Variants in NR0B2 observed in about 807,000 individuals in gnomAD.
NR0B2 encodes the protein nuclear receptor subfamily 0 group B member 2, also known as nuclear receptor SHP.
In NR0B2, 17 loss-of-function variants were observed where a neutral mutation model predicts 18.9. The observed-to-expected ratio is 0.90, with a 90% CI of 0.62 to 1.35. The LOEUF is 1.35. NR0B2 is among the 40% of genes most tolerant of loss of function. The pLI is 0.00. For synonymous variants in NR0B2, 116 were observed against 138.5 expected (o/e 0.84, Z 1.14); for missense variants, 312 against 333.3 (o/e 0.94, Z 0.50).
At position 26,911,692 on chromosome 1, in the gene NR0B2, G is replaced by A; in HGVS notation, c.*153C>T. The A allele has an allele frequency of 1.2e-6, 1 of 860,096 alleles. No homozygotes were observed. Among genetic ancestry groups the A allele is most frequent in the Non-Finnish European group, 1.9e-6 (1 of 525,728 alleles). 53.3% of individuals were successfully genotyped at this position (860,096 alleles called of 1,614,324 possible). A position where few individuals can be genotyped will look rare whatever the true frequency, so the allele number is the denominator to read the frequency against. Reference sequence around the variant, plus strand: ...TCCAAACCAAGGAAGTCCAATGTGGGGTGTGGCTGAGTGAAGAGCTGTTCC... The same window carrying A: ...TCCAAACCAAGGAAGTCCAATGTGGAGTGTGGCTGAGTGAAGAGCTGTTCC... On this transcript the variant is annotated 3_prime_UTR_variant, in exon 2 of 2. Coordinates refer to ENST00000254227, the MANE Select transcript of NR0B2 (RefSeq NM_021969.3).
At position 26,913,622 on chromosome 1, in the gene NR0B2, A is replaced by C. The variant is rs769785138; in HGVS notation, c.319T>G (p.Phe107Val). The C allele has an allele frequency of 6.2e-7, 1 of 1,614,010 alleles. No individual in the cohort carries two copies. Among genetic ancestry groups the C allele is most frequent in the Admixed American group, 1.7e-5 (1 of 60,008 alleles). The stretch of plus-strand genomic sequence containing the variant: ...GGCACCGGGGCCTCAGCCACCTCAA[A>C]GGTCACAGCATCTTGGGCCAACCCA... ...LLGLAQDAVT[F>V]EVAEAPVPSI... The change falls in exon 1 of 2, where the codon TTT becomes GTT. Residue 107 changes from phenylalanine (F) to valine (V), a missense_variant. Phe to Val is a conservative substitution (Grantham distance 50). Coordinates refer to ENST00000254227, the MANE Select transcript of NR0B2 (RefSeq NM_021969.3).
At position 26,913,413 on chromosome 1, in the gene NR0B2, G is replaced by C. The variant is rs757929402; in HGVS notation, c.528C>G (p.Asn176Lys). 6.2e-7 allele frequency: 1 copy of C among 1,614,128 alleles called. No individual in the cohort carries two copies. The highest frequency in any genetic ancestry group is 8.5e-7 in the Non-Finnish European group (1 of 1,180,000). Residue 176 changes from asparagine to lysine, a missense_variant, in exon 1 of 2, where the codon AAC becomes AAG. Asn to Lys is a moderately conservative substitution (Grantham distance 94). Transcript: ENST00000254227. ...YACLKGTILF[N>K]PDVPGLQAAS... The stretch of plus-strand genomic sequence containing the variant: ...CAGGAGTGTCTGGGAGCTCACCGGG[G>C]TTGAAGAGGATGGTCCCTTTCAGGC...
At chr1:26,912,498 G>T (rs1006549945) in intron 1 of NR0B2, among the ~76,000 whole-genome samples, 4 of 152,050 alleles carry the variant, frequency 2.6e-5, no homozygotes, top group African/African-American at 9.7e-5. Flanking sequence ...TTAGAATAGG[G>T]CCTAACATAT....
In NR0B2 at chr1:26,911,885, T is replaced by C. The variant is rs1477959726; in HGVS notation, c.734A>G (p.Asp245Gly). The change falls in exon 2 of 2, where the codon GAC (aspartate) becomes GGC (glycine). Residue 245 changes from aspartate to glycine, a missense_variant. Coordinates refer to ENST00000254227, the MANE Select transcript of NR0B2 (RefSeq NM_021969.3). ...LFFRPIIGDVDIAGLLGDMLL... is the reference protein window; with the variant it reads ...LFFRPIIGDVGIAGLLGDMLL... ...CATGTCCCCAAGAAGGCCAGCGATG[T>C]CAACATCTCCAATGATAGGGCGAAA... The C allele has an allele frequency of 1.1e-4, 184 of 1,613,942 alleles. No individual in the cohort carries two copies. Among genetic ancestry groups the C allele is most frequent in the Non-Finnish European group, 1.5e-4 (182 of 1,179,998 alleles).
rs202154574 is a variant in NR0B2 at position 26,912,053 on chromosome 1, C to T, written c.566G>A (p.Gly189Glu). Reference sequence around the variant, plus strand: ...CCAGTGAGCCTCCTGCTGCAGGTGCCCAATGTGGGAGGCGGCTTGGAGGCC... The same window carrying T: ...CCAGTGAGCCTCCTGCTGCAGGTGCTCAATGTGGGAGGCGGCTTGGAGGCC... ...VPGLQAASHI[G>E]HLQQEAHWVL... Residue 189 changes from glycine to glutamate, a missense_variant, in exon 2 of 2, where the codon GGG (glycine) becomes GAG (glutamate). Gly to Glu is a moderately conservative substitution (Grantham distance 98, BLOSUM62 -2). Coordinates refer to ENST00000254227, the MANE Select transcript of NR0B2 (RefSeq NM_021969.3). 2.5e-5 allele frequency: 41 copies of T among 1,614,074 alleles called. No homozygotes were observed. In the East Asian group the frequency reaches 5.6e-4, roughly 22 times the overall value.
chr1:26,911,789 G>C lies in NR0B2; in HGVS notation c.*56C>G. Reference sequence around the variant, plus strand: ...TTGGGTCACCTCTGGGGATGGCCAGGCTGAATCAGCACTGCCAGCCTCTGC... The same window carrying C: ...TTGGGTCACCTCTGGGGATGGCCAGCCTGAATCAGCACTGCCAGCCTCTGC... On this transcript the variant is annotated 3_prime_UTR_variant, in exon 2 of 2. Transcript: ENST00000254227. 1 of 1,612,220 alleles carries C rather than the reference G, an allele frequency of 6.2e-7. No individual in the cohort carries two copies.
In NR0B2 at chr1:26,913,316, T is replaced by A. The variant is rs1442737929; in HGVS notation, c.532+93A>T. 5.4e-6 allele frequency: 6 copies of A among 1,114,518 alleles called. No individual in the cohort carries two copies. The East Asian group carries it at 1.4e-4, about 26-fold the overall frequency. The allele number at this position is 1,114,518 out of a possible 1,614,324, so 69.0% of individuals were successfully genotyped here. On this transcript the variant is annotated intron_variant, in intron 1 of 1. Coordinates refer to ENST00000254227, the MANE Select transcript of NR0B2 (RefSeq NM_021969.3). ...AAATAAAAAGAAAATGAGGACCCAA[T>A]GAGATAACAGATATCAAACCCTTAG...
chr1:26,913,200 T>C (rs2082038558), intron 1 of NR0B2, among the ~76,000 whole-genome samples: 1 of 151,700 alleles, frequency 6.6e-6, no homozygotes, highest in African/African-American at 2.4e-5. Context: ...GCAGAGAAAA[T>C]TGCTTGAACC....
rs757000078 is a variant in NR0B2, at chr1:26,912,106, A to G, written c.533-20T>C. 2 of 1,612,460 alleles carry G rather than the reference A, an allele frequency of 1.2e-6. No individual in the cohort carries two copies. Among genetic ancestry groups the G allele is most frequent in the African/African-American group, 1.3e-5 (1 of 74,878 alleles). ...GCACATCTGTGGGCAGAGAGGGAGA[A>G]GAGGGCTGGTGAGCACCCTACTCCC... On this transcript the variant is annotated intron_variant, in intron 1 of 1. Coordinates refer to ENST00000254227, the MANE Select transcript of NR0B2 (RefSeq NM_021969.3).
In NR0B2 at chr1:26,913,780, C is replaced by G; in HGVS notation, c.161G>C (p.Arg54Pro). ...AACATCCAAGGCCTCCCGGCAGGTG[C>G]GATGAGGTGCACATAGCTGGACGGG... ...HRPVQLCAPH[R>P]TCREALDVLA... Residue 54 changes from arginine to proline, a missense_variant, in exon 1 of 2, where the codon CGC becomes CCC. Transcript: ENST00000254227. The G allele has an allele frequency of 1.3e-6, 2 of 1,558,118 alleles. No individual in the cohort carries two copies. The highest frequency in any genetic ancestry group is 1.7e-6 in the Non-Finnish European group (2 of 1,150,566).
At position 26,912,076 on chromosome 1, in the gene NR0B2, G is replaced by T. The variant is rs759521827; in HGVS notation, c.543C>A (p.Gly181=). 1 of 1,613,702 alleles carries T rather than the reference G, an allele frequency of 6.2e-7. No individual in the cohort carries two copies. The highest frequency in any genetic ancestry group is 8.5e-7 in the Non-Finnish European group (1 of 1,180,020). The change falls in exon 2 of 2, where the codon GGC becomes GGA. Residue 181 remains glycine (G), a synonymous_variant. Coordinates refer to ENST00000254227, the MANE Select transcript of NR0B2 (RefSeq NM_021969.3). ...GTILFNPDVP[G]LQAASHIGHL... Reference sequence around the variant, plus strand: ...GCCCAATGTGGGAGGCGGCTTGGAGGCCTGGCACATCTGTGGGCAGAGAGG... The same window carrying T: ...GCCCAATGTGGGAGGCGGCTTGGAGTCCTGGCACATCTGTGGGCAGAGAGG...
Position 26,911,994 on chromosome 1 carries a change from C to T in NR0B2, c.625G>A (p.Ala209Thr), listed in dbSNP as rs1302253433. The change falls in exon 2 of 2, where the codon GCA becomes ACA. Residue 209 changes from alanine to threonine, a missense_variant. Transcript: ENST00000254227. Reference sequence around the variant, plus strand: ...ACACGGGTCAGGCGGCCTTGGGCTGCTGGGCACCAGGGTTCCAGGACTTCA... The same window carrying T: ...ACACGGGTCAGGCGGCCTTGGGCTGTTGGGCACCAGGGTTCCAGGACTTCA... ...LCEVLEPWCP[A>T]AQGRLTRVLL... The T allele has an allele frequency of 1.9e-6, 3 of 1,614,094 alleles. No homozygotes were observed. In the African/African-American group the frequency reaches 4.0e-5, roughly 22 times the overall value.
chr1:26,912,066 C>T lies in NR0B2; in HGVS notation c.553G>A (p.Ala185Thr), dbSNP rs199619628. The T allele has an allele frequency of 1.1e-4, 184 of 1,613,836 alleles. No individual in the cohort carries two copies. Among genetic ancestry groups the T allele is most frequent in the South Asian group, 1.3e-4 (12 of 91,064 alleles). The change falls in exon 2 of 2, where the codon GCC (alanine) becomes ACC (threonine). Residue 185 changes from alanine to threonine, a missense_variant. Physicochemically the swap from Ala to Thr is moderately conservative, Grantham distance 58 (BLOSUM62 0). Transcript: ENST00000254227. ...TGCTGCAGGTGCCCAATGTGGGAGG[C>T]GGCTTGGAGGCCTGGCACATCTGTG... Reference protein sequence around the residue: ...FNPDVPGLQAASHIGHLQQEA... With the variant: ...FNPDVPGLQATSHIGHLQQEA...
rs1005958652 is a variant in NR0B2 at position 26,913,965 on chromosome 1, A to G, written c.-25T>C. Reference sequence around the variant, plus strand: ...TGGTTAGGGATCTGCTCTCACTTCCAGCTCTCTGGCTCTGTGTTCTGCGCT... The same window carrying G: ...TGGTTAGGGATCTGCTCTCACTTCCGGCTCTCTGGCTCTGTGTTCTGCGCT... On this transcript the variant is annotated 5_prime_UTR_variant, in exon 1 of 2. Transcript: ENST00000254227. 6 of 1,441,956 alleles carry G rather than the reference A, an allele frequency of 4.2e-6. No individual in the cohort carries two copies. The highest frequency in any genetic ancestry group is 5.5e-6 in the Non-Finnish European group (6 of 1,093,414). 89.3% of individuals were successfully genotyped at this position (1,441,956 alleles called of 1,614,324 possible).
In NR0B2 at chr1:26,913,571, C is replaced by A; in HGVS notation, c.370G>T (p.Glu124Ter). Reference sequence around the variant, plus strand: ...CTGCCTCCACTGCTGCTGGGCTCCTCCAGCAGAATCTTCTTGAGTATGCTG... The same window carrying A: ...CTGCCTCCACTGCTGCTGGGCTCCTACAGCAGAATCTTCTTGAGTATGCTG... ...VPSILKKILL[E>*]EPSSSGGSGQ... The change falls in exon 1 of 2, where the codon GAG becomes TAG. Residue 124 changes from glutamate (E) to a stop codon, truncating the protein, a stop_gained. Transcript: ENST00000254227. LOFTEE classifies it high-confidence loss of function. 6.2e-7 allele frequency: 1 copy of A among 1,614,114 alleles called. No individual in the cohort carries two copies. Among genetic ancestry groups the A allele is most frequent in the South Asian group, 1.1e-5 (1 of 91,080 alleles).
chr1:26,911,626 T>G lies in NR0B2; in HGVS notation c.*219A>C. 1 of 591,972 alleles carries G rather than the reference T, an allele frequency of 1.7e-6. No individual in the cohort carries two copies. The allele number at this position is 591,972 out of a possible 1,614,324, so 36.7% of individuals were successfully genotyped here. A position where few individuals can be genotyped will look rare whatever the true frequency, so the allele number is the denominator to read the frequency against. On this transcript the variant is annotated 3_prime_UTR_variant, in exon 2 of 2. Coordinates refer to ENST00000254227, the MANE Select transcript of NR0B2 (RefSeq NM_021969.3). ...GACAGGAGTCTTGGCCCAGAGGCTG[T>G]GGGGACCACCAAAAGCCTCCCAGGC...
At position 26,911,685 on chromosome 1, in the gene NR0B2, A is replaced by G. The variant is rs139665461; in HGVS notation, c.*160T>C. ...CACTGTGTCCAAACCAAGGAAGTCC[A>G]ATGTGGGGTGTGGCTGAGTGAAGAG... On this transcript the variant is annotated 3_prime_UTR_variant, in exon 2 of 2. Coordinates refer to ENST00000254227, the MANE Select transcript of NR0B2 (RefSeq NM_021969.3). 4.0e-3 allele frequency: 3,358 copies of G among 831,196 alleles called. 117 individuals are homozygous for G. The Admixed American group carries it at 0.058, about 14-fold the overall frequency. The allele number at this position is 831,196 out of a possible 1,614,324, so 51.5% of individuals were successfully genotyped here.
At position 26,911,659 on chromosome 1, in the gene NR0B2, A is replaced by G. The variant is rs7504; in HGVS notation, c.*186T>C. The stretch of plus-strand genomic sequence containing the variant: ...ACCAAAAGCCTCCCAGGCAGCTGGA[A>G]CACTGTGTCCAAACCAAGGAAGTCC... On this transcript the variant is annotated 3_prime_UTR_variant, in exon 2 of 2. Transcript: ENST00000254227. 0.69 allele frequency: 472,159 copies of G among 681,134 alleles called. 176,757 individuals carry two copies. Among genetic ancestry groups the G allele is most frequent in the Non-Finnish European group, 0.79 (307,628 of 386,992 alleles). 42.2% of individuals were successfully genotyped at this position (681,134 alleles called of 1,614,324 possible).
chr1:26,913,691 G>C lies in NR0B2; in HGVS notation c.250C>G (p.Gln84Glu), dbSNP rs1327866399. ...PSFWQLPPQD[Q>E]RRLLQGCWGP... ...CAGCAACCCTGCAGCAGCCGCCGCT[G>C]GTCCTGGGGAGGCAGCTGCCAGAAG... The change falls in exon 1 of 2, where the codon CAG (glutamine) becomes GAG (glutamate). Residue 84 changes from glutamine (Q) to glutamate (E), a missense_variant. By Grantham distance (29) the Gln-to-Glu change is conservative. Coordinates refer to ENST00000254227, the MANE Select transcript of NR0B2 (RefSeq NM_021969.3). 4 of 1,611,318 alleles carry C rather than the reference G, an allele frequency of 2.5e-6. No homozygotes were observed. In the African/African-American group the frequency reaches 5.3e-5, roughly 22 times the overall value.
Sources: gnomAD v4.1 joint callset for allele counts (sites outside exome capture counted in the v4.1 genomes callset) on GRCh38, gnomAD v4.1.1 for gene constraint, MANE v1.5 for transcripts, NCBI Gene and HGNC (gene_info 2026-07-23, HGNC 2026-07-21) for gene names.